Variants in RAB2A observed in about 807,000 individuals in gnomAD.
RAB2A encodes the protein ras-related protein Rab-2A.
RAB2A carries 7 observed loss-of-function variants against 32.5 expected under a neutral mutation model. The ratio of observed to expected loss-of-function variants is 0.22; its 90% confidence interval spans 0.12 to 0.40. RAB2A has a LOEUF of 0.40. Ranked by LOEUF, RAB2A falls within the 10% of genes least tolerant of loss-of-function variation. RAB2A has a pLI of 1.00. For missense variants in RAB2A, 108 were observed against 260.7 expected (o/e 0.41, Z 4.03); for synonymous variants, 79 against 85.2 (o/e 0.93, Z 0.40).
intron 1 of RAB2A, among the ~76,000 whole-genome samples, chr8:60,518,628 A>G (rs1340592595): frequency 7.0e-6 from 1 of 141,904 alleles, no homozygotes; most frequent in Non-Finnish European, 1.5e-5. Context: ...AAAAAAGCAT[A>G]TTTATTGCTG....
intron 6 of RAB2A, among the ~76,000 whole-genome samples, chr8:60,615,369 T>TTGAAGAACAAATTAGTG (rs1264607258): frequency 6.6e-6 from 1 of 152,202 alleles, no homozygotes; most frequent in Non-Finnish European, 1.5e-5. Flanking sequence ...TTAAACTAAT[T>TTGAAGAACAAATTAGTG]CTGTGAAGAA....
At chr8:60,538,436 C>T (rs1256424916) in intron 1 of RAB2A, among the ~76,000 whole-genome samples, 1 of 152,162 alleles carries the variant, frequency 6.6e-6, no homozygotes, top group African/African-American at 2.4e-5. Flanking sequence ...TTAACTGTAA[C>T]GTAGAATTAG....
intron 1 of RAB2A, among the ~76,000 whole-genome samples, chr8:60,548,456 G>T (rs867666088): frequency 5.2e-5 from 3 of 57,916 alleles, no homozygotes; most frequent in South Asian, 1.8e-3. Flanking sequence ...TTCCCAGTAG[G>T]GGCGGCCGGG....
In RAB2A at chr8:60,573,230, G is replaced by T. The variant is rs187831668; in HGVS notation, c.186+1117G>T. ...GAGAAAACCTGAAAGGTCTCCTGTT[G>T]TGTCAAAGAACATATTCTCTAAACC... On this transcript the variant is annotated intron_variant, in intron 3 of 7. Coordinates refer to ENST00000262646, the MANE Select transcript of RAB2A (RefSeq NM_002865.3). 5.9e-5 allele frequency among the ~76,000 whole-genome samples: 9 copies of T among 152,282 alleles called. No individual in the cohort carries two copies. In the East Asian group the frequency reaches 1.5e-3, roughly 26 times the overall value.
intron 3 of RAB2A, among the ~76,000 whole-genome samples, chr8:60,577,344 A>G (rs1422570052): frequency 6.6e-6 from 1 of 152,074 alleles, no homozygotes; most frequent in Non-Finnish European, 1.5e-5. Flanking sequence ...CACTGCGCCC[A>G]GCTAAGCCTT....
At chr8:60,557,347 C>A (rs1199531061) in intron 1 of RAB2A, among the ~76,000 whole-genome samples, 2 of 152,064 alleles carry the variant, frequency 1.3e-5, no homozygotes, top group Non-Finnish European at 2.9e-5. Context: ...AACACCCTGT[C>A]TCTACTAAAG....
Position 60,622,028 on chromosome 8 carries a change from C to CT in RAB2A, c.*1265dup, listed in dbSNP as rs1041448756. 2.0e-5 allele frequency: 3 copies of CT among 151,902 alleles called. No homozygotes were observed. The highest frequency in any genetic ancestry group is 4.4e-5 in the Non-Finnish European group (3 of 67,970). 9.4% of individuals were successfully genotyped at this position (151,902 alleles called of 1,614,324 possible). A position where few individuals can be genotyped will look rare whatever the true frequency, so the allele number is the denominator to read the frequency against. ...TTCTTTTTTTTTATTATGACCACCT[C>CT]TTTTTTAATGTATTTTTAGTCCACT... is the stretch of plus-strand genomic sequence containing the variant. On this transcript the variant is annotated 3_prime_UTR_variant, in exon 8 of 8. Coordinates refer to ENST00000262646, the MANE Select transcript of RAB2A (RefSeq NM_002865.3).
At chr8:60,606,943 G>A (rs1804241755) in intron 6 of RAB2A, among the ~76,000 whole-genome samples, 1 of 152,166 alleles carries the variant, frequency 6.6e-6, no homozygotes, top group Non-Finnish European at 1.5e-5. Context: ...GGAATTGGCG[G>A]GGGATGCGTA....
chr8:60,525,444 T>G (rs531548180), intron 1 of RAB2A, among the ~76,000 whole-genome samples: 1 of 152,320 alleles, frequency 6.6e-6, no homozygotes, highest in South Asian at 2.1e-4. Flanking sequence ...TCGGGTAGTA[T>G]CTTTATAGCA....
intron 5 of RAB2A, among the ~76,000 whole-genome samples, chr8:60,586,523 AAGAG>A (rs1002883656): frequency 1.4e-4 from 22 of 152,296 alleles, no homozygotes; most frequent in Admixed American, 4.6e-4. Context: ...AGATAAAAAA[AAGAG>A]AGAGAATATT....
intron 1 of RAB2A, among the ~76,000 whole-genome samples, chr8:60,518,618 AAAAAAG>A (rs1807251349): frequency 6.7e-6 from 1 of 148,692 alleles, no homozygotes; most frequent in Non-Finnish European, 1.5e-5. Flanking sequence ...AAAAAAAAAA[AAAAAAG>A]CATATTTATT....
chr8:60,613,180 T>C (rs368144790), intron 6 of RAB2A, among the ~76,000 whole-genome samples: 1 of 152,196 alleles, frequency 6.6e-6, no homozygotes, highest in Non-Finnish European at 1.5e-5. Context: ...AATCAAGATA[T>C]ATGAATTGAC....
At position 60,562,714 on chromosome 8, in the gene RAB2A, C is replaced by T. The variant is rs1586084233; in HGVS notation, c.118+3791C>T. Reference sequence around the variant, plus strand: ...ACTGTTCTGAGCATACTGATAGGTGCTTAATGTTCATTGTCGATAATGATA... The same window carrying T: ...ACTGTTCTGAGCATACTGATAGGTGTTTAATGTTCATTGTCGATAATGATA... On this transcript the variant is annotated intron_variant, in intron 2 of 7. Coordinates refer to ENST00000262646, the MANE Select transcript of RAB2A (RefSeq NM_002865.3). Among the ~76,000 whole-genome samples, 5 of 152,174 alleles carry T rather than the reference C, an allele frequency of 3.3e-5. 1 individual carries two copies. Among genetic ancestry groups the T allele is most frequent in the Admixed American group, 3.3e-4 (5 of 15,296 alleles).
At position 60,546,698 on chromosome 8, in the gene RAB2A, A is replaced by G. The variant is rs182115301; in HGVS notation, c.47-12154A>G. Among the ~76,000 whole-genome samples, 118 of 152,070 alleles carry G rather than the reference A, an allele frequency of 7.8e-4. No individual in the cohort carries two copies. The Middle Eastern group carries it at 0.01, about 13-fold the overall frequency. On this transcript the variant is annotated intron_variant, in intron 1 of 7. Coordinates refer to ENST00000262646, the MANE Select transcript of RAB2A (RefSeq NM_002865.3). ...TAGGTTAACTGGTTTAATTCTCACA[A>G]CTCTTGTTGTGAAGTATGTATTGTT...
intron 6 of RAB2A, among the ~76,000 whole-genome samples, chr8:60,592,691 T>G (rs143305852): frequency 6.6e-6 from 1 of 152,338 alleles, no homozygotes; most frequent in East Asian, 1.9e-4. Flanking sequence ...GGAACTTTTC[T>G]GAACACAGTG....
At chr8:60,562,444 G>T (rs1808038643) in intron 2 of RAB2A, among the ~76,000 whole-genome samples, 1 of 152,166 alleles carries the variant, frequency 6.6e-6, no homozygotes, top group Non-Finnish European at 1.5e-5. Flanking sequence ...AAAATGGATT[G>T]TTTTTTGTTG....
intron 7 of RAB2A, 34 bp from the exon 8 acceptor site, chr8:60,620,640 G>A (rs1804512105): frequency 1.4e-6 from 2 of 1,430,872 alleles, no homozygotes; most frequent in Middle Eastern, 1.8e-4. Flanking sequence ...ATATTGTCTG[G>A]TCATATTTAT....
At chr8:60,594,619 C>G (rs1205754219) in intron 6 of RAB2A, among the ~76,000 whole-genome samples, 4 of 152,176 alleles carry the variant, frequency 2.6e-5, no homozygotes, top group Non-Finnish European at 5.9e-5. Flanking sequence ...TCTCCTAATG[C>G]TATCCCTCCC....
intron 1 of RAB2A, among the ~76,000 whole-genome samples, chr8:60,526,767 G>A (rs745651519): frequency 2.0e-5 from 3 of 152,030 alleles, no homozygotes; most frequent in South Asian, 2.1e-4. Context: ...TGAGGAGTTC[G>A]AGACCAGCCT....
Sources: allele counts gnomAD v4.1 joint callset (sites outside exome capture counted in the v4.1 genomes callset), GRCh38; gene constraint gnomAD v4.1.1; transcripts MANE v1.5; gene names NCBI Gene and HGNC (gene_info 2026-07-23, HGNC 2026-07-21).